The following LPP variants were observed in gnomAD, a reference collection of about 807,000 sequenced individuals.
LPP encodes the protein LIM domain containing preferred translocation partner in lipoma.
In LPP, 38 loss-of-function variants were observed where a neutral mutation model predicts 60.4. The observed-to-expected ratio is 0.63, with a 90% CI of 0.49 to 0.83. LPP has a LOEUF of 0.83. Ranked by LOEUF, LPP falls within the 40% of genes least tolerant of loss-of-function variation. The probability of loss-of-function intolerance (pLI) is 0.00; values close to 1 mark genes in which losing one functional copy is unlikely to be tolerated. For synonymous variants in LPP, 328 were observed against 290.8 expected (o/e 1.13, Z -1.30); for missense variants, 902 against 783.6 (o/e 1.15, Z -1.80).
chr3:188,687,322 C>T (rs577293838), intron 7 of LPP, among the ~76,000 whole-genome samples: 2 of 152,268 alleles, frequency 1.3e-5, no homozygotes, highest in African/African-American at 4.8e-5. Context: ...GGAGTGTCCC[C>T]CACTTTCTTA....
chr3:188,350,697 G>A (rs745856161), intron 3 of LPP, among the ~76,000 whole-genome samples: 1 of 152,184 alleles, frequency 6.6e-6, no homozygotes, highest in Non-Finnish European at 1.5e-5. Flanking sequence ...CTGGGACCCA[G>A]GTGTCCTGCC....
chr3:188,212,988 G>A (rs1711876639), intron 1 of LPP: 1 of 152,190 alleles, frequency 6.6e-6, no homozygotes, highest in Non-Finnish European at 1.5e-5. Flanking sequence ...ACTTCTTACA[G>A]TGGGATTTCA....
chr3:188,244,372 A>G (rs1726107162), intron 2 of LPP, among the ~76,000 whole-genome samples: 1 of 152,186 alleles, frequency 6.6e-6, no homozygotes, highest in Non-Finnish European at 1.5e-5. Flanking sequence ...GACATGGAAG[A>G]GGCAGAGTGG....
rs139148866 is a variant in LPP, at chr3:188,320,907, T to A, written c.-66-20756T>A. 3.5e-3 allele frequency among the ~76,000 whole-genome samples: 537 copies of A among 152,284 alleles called. 16 individuals are homozygous for A. In the East Asian group the frequency reaches 0.081, roughly 23 times the overall value. ...TTTGAGGGTAAAATCTCAAGTCCTG[T>A]GTGTGATGAATCAGTAGAAAAGGTA... is the stretch of plus-strand genomic sequence containing the variant. On this transcript the variant is annotated intron_variant, in intron 2 of 11. Transcript: ENST00000617246.
In LPP at chr3:188,609,795, A is replaced by G. The variant is rs539184894; in HGVS notation, c.1064A>G (p.Tyr355Cys). ...CCAGTCACTGGTCCCAAGAAGACCT[A>G]TATCACAGATCCTGTTTCAGCCCCC... ...MYPVTGPKKT[Y>C]ITDPVSAPCA... Residue 355 changes from tyrosine to cysteine, a missense_variant, in exon 7 of 12, where the codon TAT (tyrosine) becomes TGT (cysteine). Transcript: ENST00000617246. The surrounding 1 kb of genome is among the most constrained non-coding windows in gnomAD (Gnocchi z 6.9). 32 of 1,613,846 alleles carry G rather than the reference A, an allele frequency of 2.0e-5. 1 individual carries two copies. In the South Asian group the frequency reaches 3.2e-4, roughly 16 times the overall value.
At chr3:188,315,811 G>T (rs183786428) in intron 2 of LPP, among the ~76,000 whole-genome samples, 1 of 152,134 alleles carries the variant, frequency 6.6e-6, no homozygotes, top group African/African-American at 2.4e-5. Flanking sequence ...ACTCTAGTTC[G>T]TTTCTGCCTC....
chr3:188,776,053 A>G (rs956601374), intron 9 of LPP, among the ~76,000 whole-genome samples: 3 of 152,254 alleles, frequency 2.0e-5, no homozygotes, highest in Non-Finnish European at 4.4e-5. Context: ...GCTCCGTGCT[A>G]TGCGGAATAC....
intron 6 of LPP, among the ~76,000 whole-genome samples, chr3:188,569,945 T>C (rs1217734772): frequency 6.6e-6 from 1 of 151,960 alleles, no homozygotes; most frequent in Non-Finnish European, 1.5e-5. Flanking sequence ...TGCTTCCCAT[T>C]CTCACTCTAA....
chr3:188,651,938 C>G (rs1166127005), intron 7 of LPP, among the ~76,000 whole-genome samples: 1 of 152,032 alleles, frequency 6.6e-6, no homozygotes, highest in Non-Finnish European at 1.5e-5. Context: ...ATCATTATCT[C>G]CATTTTATTA....
At chr3:188,720,826 T>C (rs1486290699) in intron 8 of LPP, among the ~76,000 whole-genome samples, 1 of 152,172 alleles carries the variant, frequency 6.6e-6, no homozygotes, top group Non-Finnish European at 1.5e-5. Context: ...TCTACTCCTA[T>C]CTGGCAGTGA....
chr3:188,319,723 G>GTTAA (rs1756374177), intron 2 of LPP, among the ~76,000 whole-genome samples: 1 of 152,218 alleles, frequency 6.6e-6, no homozygotes, highest in Non-Finnish European at 1.5e-5. Context: ...TTTCCCTGAT[G>GTTAA]TTAACATCTT....
At chr3:188,667,657 C>T (rs1454357339) in intron 7 of LPP, among the ~76,000 whole-genome samples, 2 of 149,220 alleles carry the variant, frequency 1.3e-5, no homozygotes, top group Non-Finnish European at 3.0e-5. Flanking sequence ...TATTCTCAAC[C>T]TCACCATCTA....
At chr3:188,320,352 C>T (rs1029731992) in intron 2 of LPP, among the ~76,000 whole-genome samples, 13 of 152,274 alleles carry the variant, frequency 8.5e-5, no homozygotes, top group East Asian at 1.9e-4. Context: ...TAGGACCTGA[C>T]GACAATGTTG....
chr3:188,250,077 G>A (rs1006279917), intron 2 of LPP, among the ~76,000 whole-genome samples: 2 of 152,034 alleles, frequency 1.3e-5, no homozygotes, highest in African/African-American at 2.4e-5. Flanking sequence ...TCTACTGTCT[G>A]TACTTCTCCT....
intron 4 of LPP, among the ~76,000 whole-genome samples, chr3:188,438,906 T>C (rs1198068404): frequency 6.6e-6 from 1 of 152,172 alleles, no homozygotes; most frequent in South Asian, 2.1e-4. Flanking sequence ...CAAGGAATAA[T>C]GGCTAAATGA....
At chr3:188,868,902 T>C (rs148580885) in intron 10 of LPP, among the ~76,000 whole-genome samples, 5 of 152,232 alleles carry the variant, frequency 3.3e-5, no homozygotes, top group Non-Finnish European at 7.4e-5. Flanking sequence ...CAGATATATA[T>C]AGAGAAGTCA....
intron 3 of LPP, among the ~76,000 whole-genome samples, chr3:188,343,302 G>T (rs1349675861): frequency 6.6e-6 from 1 of 152,158 alleles, no homozygotes; most frequent in Non-Finnish European, 1.5e-5. Context: ...CACAGAAAAA[G>T]AGAACATTGT....
Position 188,706,160 on chromosome 3 carries a change from G to C in LPP, c.1114-2107G>C, listed in dbSNP as rs148689926. On this transcript the variant is annotated intron_variant, in intron 7 of 11. Coordinates refer to ENST00000617246, the MANE Select transcript of LPP (RefSeq NM_001375462.1). ...GTTTACAGTTCAGAGGAGGTCCTAAGTTTAACCTTTAATGTTTGCTAATAA... is the reference window on the plus strand; with the variant it reads ...GTTTACAGTTCAGAGGAGGTCCTAACTTTAACCTTTAATGTTTGCTAATAA... Among the ~76,000 whole-genome samples the C allele has an allele frequency of 3.7e-3, 568 of 152,270 alleles. 6 individuals carry two copies. The highest frequency in any genetic ancestry group is 5.5e-3 in the Non-Finnish European group (377 of 68,018).
intron 9 of LPP, 46 bp from the exon 10 acceptor site, chr3:188,866,153 GA>G: frequency 7.2e-7 from 1 of 1,398,130 alleles, no homozygotes; most frequent in Non-Finnish European, 9.4e-7. Context: ...ATGCAGTATG[GA>G]CCCCCTTCTG....
Sources: allele counts gnomAD v4.1 joint callset (sites outside exome capture counted in the v4.1 genomes callset), GRCh38; gene constraint gnomAD v4.1.1; non-coding constraint Gnocchi (gnomAD v3.1); transcripts MANE v1.5; gene names NCBI Gene and HGNC (gene_info 2026-07-23, HGNC 2026-07-21).